Variants in AGTPBP1 observed in about 807,000 individuals in gnomAD.
AGTPBP1 encodes the protein cytosolic carboxypeptidase 1.
Under a neutral mutation model 143.9 loss-of-function variants are expected in AGTPBP1, and 70 were observed. That is an observed-to-expected ratio of 0.49 (90% CI 0.40 to 0.59). The LOEUF is 0.59. Among genes scored for constraint, AGTPBP1 ranks in the 20% least tolerant of loss-of-function variants. The probability of loss-of-function intolerance (pLI) is 0.00; values close to 1 mark genes in which losing one functional copy is unlikely to be tolerated. For missense variants in AGTPBP1, 1,229 were observed against 1,464.5 expected (o/e 0.84, Z 2.62); for synonymous variants, 463 against 500.2 (o/e 0.93, Z 0.99).
Position 85,641,572 on chromosome 9 carries a change from A to G in AGTPBP1, c.1302+1255T>C, listed in dbSNP as rs183499596. ...AGGGGGAATACCAAGACACCAGAGC[A>G]GGGGGTGGCAGGGAAGGCTGCAGAA... is the stretch of plus-strand genomic sequence containing the variant. On this transcript the variant is annotated intron_variant, in intron 13 of 25. Coordinates refer to ENST00000357081, the MANE Select transcript of AGTPBP1 (RefSeq NM_001330701.2). Among the ~76,000 whole-genome samples the G allele has an allele frequency of 6.0e-3, 918 of 152,242 alleles. 9 individuals carry two copies. The highest frequency in any genetic ancestry group is 0.021 in the African/African-American group (878 of 41,544).
intron 6 of AGTPBP1, 103 bp from the exon 7 acceptor site, chr9:85,672,784 G>A: frequency 1.1e-6 from 1 of 882,118 alleles, no homozygotes; most frequent in South Asian, 1.9e-5. Context: ...ATCCAGGCTG[G>A]AGTGCAGTGG....
chr9:85,629,498 C>T (rs1183897393), intron 14 of AGTPBP1, among the ~76,000 whole-genome samples: 1 of 152,058 alleles, frequency 6.6e-6, no homozygotes, highest in Non-Finnish European at 1.5e-5. Flanking sequence ...ATGGATAGAA[C>T]AATATTACCT....
intron 23 of AGTPBP1, among the ~76,000 whole-genome samples, chr9:85,579,747 T>C (rs1342491669): frequency 1.3e-5 from 2 of 150,844 alleles, no homozygotes; most frequent in African/African-American, 4.9e-5. Flanking sequence ...TAGAACCAAA[T>C]GTATTAAACT....
chr9:85,746,450 C>T (rs573133357), upstream of AGTPBP1, among the ~76,000 whole-genome samples: 25 of 152,160 alleles, frequency 1.6e-4, no homozygotes, highest in Admixed American at 1.5e-3. Flanking sequence ...AGTGAGACCC[C>T]CCACATCTCT....
At chr9:85,786,065 T>C in the AGTPBP1 span, 9 of 1,393,616 alleles carry the variant, frequency 6.5e-6, no homozygotes, top group Non-Finnish European at 7.9e-6. Context: ...TTTGAGGAAA[T>C]AATATCTAAT....
At chr9:85,679,134 C>T (rs1354537064) in intron 4 of AGTPBP1, among the ~76,000 whole-genome samples, 1 of 152,034 alleles carries the variant, frequency 6.6e-6, no homozygotes, top group Non-Finnish European at 1.5e-5. Context: ...AGAATATGGG[C>T]CTTTATTTTA....
chr9:85,711,892 CTTTA>C (rs1837400971), intron 2 of AGTPBP1, among the ~76,000 whole-genome samples: 1 of 152,156 alleles, frequency 6.6e-6, no homozygotes, highest in Admixed American at 6.5e-5. Flanking sequence ...CAAAAAAACA[CTTTA>C]TTTATAGATG....
the AGTPBP1 span, chr9:85,793,421 C>G: frequency 6.6e-6 from 1 of 152,034 alleles, no homozygotes; most frequent in Non-Finnish European, 1.5e-5. Context: ...TTAACATTAC[C>G]ACAGTGGTCT....
the AGTPBP1 span, among the ~76,000 whole-genome samples, chr9:85,776,811 G>A: frequency 1.8e-4 from 28 of 152,138 alleles, no homozygotes; most frequent in Non-Finnish European, 3.5e-4. Context: ...TAATGTTGTG[G>A]GAACAGGAAG....
chr9:85,710,844 G>C (rs573916175), intron 2 of AGTPBP1, among the ~76,000 whole-genome samples: 11 of 152,100 alleles, frequency 7.2e-5, no homozygotes, highest in Admixed American at 5.9e-4. Flanking sequence ...CTAATCAATA[G>C]AAATAGCATT....
At chr9:85,734,310 T>C (rs1345459323) in intron 1 of AGTPBP1, among the ~76,000 whole-genome samples, 2 of 151,926 alleles carry the variant, frequency 1.3e-5, no homozygotes, top group Non-Finnish European at 2.9e-5. Flanking sequence ...ATGGCTTCAC[T>C]GGTAAATTCT....
chr9:85,550,989 G>A (rs770524316), intron 25 of AGTPBP1, among the ~76,000 whole-genome samples: 2 of 152,122 alleles, frequency 1.3e-5, no homozygotes, highest in Non-Finnish European at 2.9e-5. Flanking sequence ...ATGGCTTGGT[G>A]TCTCTCACAG....
chr9:85,707,896 C>A (rs911015260), intron 2 of AGTPBP1, among the ~76,000 whole-genome samples: 1 of 149,402 alleles, frequency 6.7e-6, no homozygotes, highest in African/African-American at 2.5e-5. Flanking sequence ...GGGAACATCA[C>A]ACACTGAGGC....
At chr9:85,640,548 T>G (rs569080172) in intron 13 of AGTPBP1, among the ~76,000 whole-genome samples, 26 of 152,320 alleles carry the variant, frequency 1.7e-4, no homozygotes, top group Non-Finnish European at 2.9e-4. Flanking sequence ...AGATCTGTCT[T>G]TACAATCTGA....
chr9:85,716,684 C>G (rs1837725465), intron 1 of AGTPBP1, among the ~76,000 whole-genome samples: 1 of 152,202 alleles, frequency 6.6e-6, no homozygotes, highest in Non-Finnish European at 1.5e-5. Flanking sequence ...ACTAGTCTCC[C>G]TTCTACCTCT....
At chr9:85,639,507 A>C (rs1324822461) in intron 13 of AGTPBP1, among the ~76,000 whole-genome samples, 1 of 152,236 alleles carries the variant, frequency 6.6e-6, no homozygotes, top group Non-Finnish European at 1.5e-5. Flanking sequence ...ACAGCACTTT[A>C]AACATTATTT....
chr9:85,612,210 A>G (rs1237686714), intron 17 of AGTPBP1, among the ~76,000 whole-genome samples: 1 of 152,088 alleles, frequency 6.6e-6, no homozygotes, highest in East Asian at 1.9e-4. Context: ...CTCTTGGTGT[A>G]CTCTTTGATG....
At chr9:85,798,359 G>T in the AGTPBP1 span, among the ~76,000 whole-genome samples, 9 of 100,874 alleles carry the variant, frequency 8.9e-5, no homozygotes, top group Admixed American at 2.9e-4. Context: ...TTTCCTCCAA[G>T]TTCTTTTTTT....
At chr9:85,762,514 T>G in the AGTPBP1 span, among the ~76,000 whole-genome samples, 1 of 150,710 alleles carries the variant, frequency 6.6e-6, no homozygotes, top group Admixed American at 6.7e-5. Flanking sequence ...AGCAAAGTAT[T>G]GCAAGGACAA....
Sources: gnomAD v4.1 joint callset for allele counts (sites outside exome capture counted in the v4.1 genomes callset) on GRCh38, gnomAD v4.1.1 for gene constraint, MANE v1.5 for transcripts, NCBI Gene and HGNC (gene_info 2026-07-23, HGNC 2026-07-21) for gene names.